MIR2052HG: variants seen among roughly 807,000 people sequenced by gnomAD.
The protein encoded by MIR2052HG is MIR2052 host gene.
At chr8:74,686,003 G>C (rs936409617) in intron 2 of MIR2052HG, among the ~76,000 whole-genome samples, 1 of 151,796 alleles carries the variant, frequency 6.6e-6, no homozygotes, top group Non-Finnish European at 1.5e-5. Flanking sequence ...TGCTCTCTCA[G>C]TTCTTTATTA....
rs561906101 is a variant in MIR2052HG, at chr8:74,652,387, G to A, written n.216+39447G>A. 1.1e-4 allele frequency among the ~76,000 whole-genome samples: 16 copies of A among 152,242 alleles called. No homozygotes were observed. In the South Asian group the frequency reaches 3.1e-3, roughly 30 times the overall value. Reference sequence around the variant, plus strand: ...CAGTGATGAAAACACATTTTTAAAAGGGAGCCTGTATCAGTCTAGGCTCTG... The same window carrying A: ...CAGTGATGAAAACACATTTTTAAAAAGGAGCCTGTATCAGTCTAGGCTCTG... On this transcript the variant is annotated intron_variant and non_coding_transcript_variant, in intron 2 of 6. Coordinates refer to ENST00000523442, the Ensembl canonical transcript of MIR2052HG.
chr8:74,639,570 G>T (rs1429196042), intron 2 of MIR2052HG, among the ~76,000 whole-genome samples: 1 of 152,082 alleles, frequency 6.6e-6, no homozygotes, highest in Non-Finnish European at 1.5e-5. Flanking sequence ...GTAGTCCAGG[G>T]CTCTGGGAAG....
intron 2 of MIR2052HG, among the ~76,000 whole-genome samples, chr8:74,617,927 G>A (rs528862017): frequency 6.6e-6 from 1 of 152,244 alleles, no homozygotes; most frequent in Admixed American, 6.5e-5. Context: ...TCTCATTGTG[G>A]TTTTGATTTG....
At chr8:74,697,587 A>G (rs1221376770) in intron 2 of MIR2052HG, among the ~76,000 whole-genome samples, 4 of 152,122 alleles carry the variant, frequency 2.6e-5, no homozygotes, top group Non-Finnish European at 5.9e-5. Flanking sequence ...CTAAAGACGC[A>G]TCTAAAAAGC....
At chr8:74,636,898 G>T (rs1009793129) in intron 2 of MIR2052HG, among the ~76,000 whole-genome samples, 6 of 152,140 alleles carry the variant, frequency 3.9e-5, no homozygotes, top group African/African-American at 1.4e-4. Context: ...TGAAGTCTGG[G>T]TTGGGACCTG....
intron 4 of MIR2052HG, among the ~76,000 whole-genome samples, chr8:74,710,480 G>A (rs558423098): frequency 3.8e-4 from 58 of 152,262 alleles, no homozygotes; most frequent in East Asian, 2.3e-3. Context: ...TAAGTAGACC[G>A]TAAGAGAAGG....
intron 4 of MIR2052HG, among the ~76,000 whole-genome samples, chr8:74,713,998 T>A (rs1455334797): frequency 1.3e-5 from 2 of 150,568 alleles, no homozygotes; most frequent in Non-Finnish European, 3.0e-5. Context: ...CCTAAGAGAG[T>A]CTCCTAAGAG....
chr8:74,722,692 C>T (rs905635403), intron 4 of MIR2052HG, among the ~76,000 whole-genome samples: 36 of 152,238 alleles, frequency 2.4e-4, no homozygotes, highest in African/African-American at 7.5e-4. Flanking sequence ...ATCTTAATTA[C>T]GACCATAACA....
intron 4 of MIR2052HG, among the ~76,000 whole-genome samples, chr8:74,740,585 T>C (rs995589507): frequency 6.6e-6 from 1 of 152,082 alleles, no homozygotes; most frequent in African/African-American, 2.4e-5. Context: ...AAAACAGACA[T>C]AAAGAATATA....
At chr8:74,622,611 T>G (rs1313546989) in intron 2 of MIR2052HG, among the ~76,000 whole-genome samples, 4 of 148,590 alleles carry the variant, frequency 2.7e-5, no homozygotes, top group Non-Finnish European at 6.0e-5. Flanking sequence ...CTCAAAAAAT[T>G]AGAAAAAAAA....
chr8:74,659,370 T>A (rs763226212), intron 2 of MIR2052HG, among the ~76,000 whole-genome samples: 13 of 152,338 alleles, frequency 8.5e-5, no homozygotes, highest in Non-Finnish European at 1.6e-4. Context: ...AATATAAAAA[T>A]AAAGTGTATA....
intron 2 of MIR2052HG, among the ~76,000 whole-genome samples, chr8:74,621,958 C>G (rs1465738181): frequency 6.6e-6 from 1 of 152,112 alleles, no homozygotes; most frequent in Admixed American, 6.5e-5. Context: ...TAAAAGAAAT[C>G]ATAGGTTAAA....
At chr8:74,628,468 G>A (rs1808465571) in intron 2 of MIR2052HG, among the ~76,000 whole-genome samples, 1 of 152,208 alleles carries the variant, frequency 6.6e-6, no homozygotes, top group Non-Finnish European at 1.5e-5. Context: ...GATGTGGAAG[G>A]TTGTGGTGGT....
chr8:74,602,866 T>TTTCTTTCTTTCTTTC (rs1470136346), intron 1 of MIR2052HG, among the ~76,000 whole-genome samples: 8 of 139,288 alleles, frequency 5.7e-5, no homozygotes, highest in Non-Finnish European at 1.3e-4. Flanking sequence ...TCTTTCTTTC[T>TTTCTTTCTTTCTTTC]TTCTTTCTTT....
chr8:74,619,719 T>G (rs534860384), intron 2 of MIR2052HG, among the ~76,000 whole-genome samples: 1 of 152,316 alleles, frequency 6.6e-6, no homozygotes, highest in Admixed American at 6.5e-5. Flanking sequence ...TACCTCCACC[T>G]GGTCCCACCT....
At chr8:74,673,576 T>C (rs1809016123) in intron 2 of MIR2052HG, among the ~76,000 whole-genome samples, 1 of 152,018 alleles carries the variant, frequency 6.6e-6, no homozygotes, top group Non-Finnish European at 1.5e-5. Context: ...TGTTACACTT[T>C]GTATCTAGGC....
At chr8:74,616,020 C>T (rs1343384052) in intron 2 of MIR2052HG, among the ~76,000 whole-genome samples, 3 of 152,014 alleles carry the variant, frequency 2.0e-5, no homozygotes, top group Non-Finnish European at 2.9e-5. Flanking sequence ...CATTGATGGA[C>T]GTTTGGGTTG....
At chr8:74,623,985 A>G (rs956683121) in intron 2 of MIR2052HG, among the ~76,000 whole-genome samples, 5 of 152,258 alleles carry the variant, frequency 3.3e-5, no homozygotes, top group African/African-American at 1.2e-4. Context: ...GGAGCCAAGC[A>G]GTTATATTCC....
At chr8:74,661,307 A>T (rs1381077357) in intron 2 of MIR2052HG, among the ~76,000 whole-genome samples, 5 of 150,624 alleles carry the variant, frequency 3.3e-5, no homozygotes, top group Non-Finnish European at 7.4e-5. Context: ...GGTTCAAGCG[A>T]TTCTCCTGCC....
Sources: gnomAD v4.1 joint callset for allele counts (sites outside exome capture counted in the v4.1 genomes callset) on GRCh38, gnomAD v4.1.1 for gene constraint, MANE v1.5 for transcripts, NCBI Gene and HGNC (gene_info 2026-07-23, HGNC 2026-07-21) for gene names.